ACAN: variants seen among roughly 807,000 people sequenced by gnomAD.
ACAN encodes aggrecan core protein.
A neutral mutation model predicts 169.1 loss-of-function variants in ACAN; 47 were observed. The ratio of observed to expected loss-of-function variants is 0.28; its 90% CI spans 0.22 to 0.35. ACAN has a LOEUF of 0.35. ACAN is among the 10% of genes least tolerant of loss of function. ACAN has a pLI of 1.00. For missense variants in ACAN, 2,716 were observed against 2,759.9 expected (o/e 0.98, Z 0.36); for synonymous variants, 1,115 against 1,112.2 (o/e 1.00, Z -0.05).
chr15:88,824,328 A>C (rs1018992050), intron 1 of ACAN, among the ~76,000 whole-genome samples: 42 of 143,234 alleles, frequency 2.9e-4, no homozygotes, highest in Admixed American at 8.1e-4. Context: ...TCAAAAAAAA[A>C]AACAACAACA....
At chr15:88,828,934 A>G (rs973618410) in intron 1 of ACAN, among the ~76,000 whole-genome samples, 2 of 152,204 alleles carry the variant, frequency 1.3e-5, no homozygotes, top group Non-Finnish European at 2.9e-5. Context: ...AGCAACTCCA[A>G]GGAAAAACCT....
In ACAN at chr15:88,807,396, A is replaced by G. The variant is rs1895708850; in HGVS notation, c.-8+3587A>G. On this transcript the variant is annotated intron_variant, in intron 1 of 18. Coordinates refer to ENST00000560601, the MANE Select transcript of ACAN (RefSeq NM_001369268.1). This position sits in a 1 kb window ranked among gnomAD's most constrained non-coding sequence, Gnocchi z 4.0. Reference sequence around the variant, plus strand: ...TGCTTCGTGTCCTGATGGTAGCCGCACTGCCGCCCTGATAACTTAAAGGAA... The same window carrying G: ...TGCTTCGTGTCCTGATGGTAGCCGCGCTGCCGCCCTGATAACTTAAAGGAA... Among the ~76,000 whole-genome samples the G allele has an allele frequency of 6.6e-6, 1 of 152,226 alleles. No individual in the cohort carries two copies. Among genetic ancestry groups the G allele is most frequent in the Non-Finnish European group, 1.5e-5 (1 of 68,002 alleles).
intron 11 of ACAN, among the ~76,000 whole-genome samples, chr15:88,854,293 T>C (rs987628483): frequency 6.6e-6 from 1 of 152,122 alleles, no homozygotes; most frequent in Non-Finnish European, 1.5e-5. Flanking sequence ...CCAGACTTCT[T>C]CCCAGAGTTG....
At chr15:88,865,413 TTTTCTTTCTGTTC>T (rs1328753304) in intron 13 of ACAN, among the ~76,000 whole-genome samples, 6 of 152,178 alleles carry the variant, frequency 3.9e-5, no homozygotes, top group African/African-American at 1.4e-4. Flanking sequence ...ACCTCACTTG[TTTTCTTTCTGTTC>T]TTTCTTTCTT....
At chr15:88,810,134 C>G (rs539426056) in intron 1 of ACAN, among the ~76,000 whole-genome samples, 1 of 152,276 alleles carries the variant, frequency 6.6e-6, no homozygotes, top group Admixed American at 6.5e-5. Context: ...TGGGGGTTCA[C>G]AGGCTGCTCT....
rs530678017 is a variant in ACAN at position 88,845,869 on chromosome 15, G to T, written c.1416G>T (p.Pro472=). The change falls in exon 7 of 19, where the codon CCG becomes CCT. Residue 472 remains proline, a synonymous_variant. Coordinates refer to ENST00000560601, the MANE Select transcript of ACAN (RefSeq NM_001369268.1). ...VVQVTAVPGQ[P]HLPGGVVFHY... ...AGGTGACCGCTGTCCCTGGGCAGCC[G>T]CATTTGCCAGGGGGTAAGTAGCTGC... The T allele has an allele frequency of 6.9e-7, 1 of 1,453,760 alleles. No individual in the cohort carries two copies. The highest frequency in any genetic ancestry group is 9.1e-7 in the Non-Finnish European group (1 of 1,099,406). The allele number at this position is 1,453,760 out of a possible 1,614,324, so 90.1% of individuals were successfully genotyped here. A position where few individuals can be genotyped will look rare whatever the true frequency, so the allele number is the denominator to read the frequency against.
chr15:88,873,064 T>A lies in ACAN; in HGVS notation c.7447+39T>A. ...TGGGAGGGGTCAGGGGAGGATAGGATCAAGACCTCCAGCTACAGGTGAGGC... is the reference window on the plus strand; with the variant it reads ...TGGGAGGGGTCAGGGGAGGATAGGAACAAGACCTCCAGCTACAGGTGAGGC... On this transcript the variant is annotated intron_variant, in intron 17 of 18. Transcript: ENST00000560601. The surrounding 1 kb of genome is among the most constrained non-coding windows in gnomAD (Gnocchi z 7.5). The A allele has an allele frequency of 6.3e-7, 1 of 1,599,958 alleles. No homozygotes were observed. The highest frequency in any genetic ancestry group is 8.5e-7 in the Non-Finnish European group (1 of 1,172,686).
chr15:88,806,567 C>G (rs57129800), intron 1 of ACAN, among the ~76,000 whole-genome samples: 3,301 of 152,230 alleles, frequency 0.022, 109 homozygotes, highest in African/African-American at 0.071. Context: ...CCAGGCTGGT[C>G]TCGAACTTCT....
chr15:88,857,375 T>G lies in ACAN; in HGVS notation c.4790T>G (p.Val1597Gly), dbSNP rs1315922771. 1.2e-6 allele frequency: 2 copies of G among 1,613,874 alleles called. No homozygotes were observed. Among genetic ancestry groups the G allele is most frequent in the South Asian group, 2.2e-5 (2 of 91,076 alleles). ...TTGCCTTCTGGAAAAGAAGACTTGG[T>G]GGGGTCAGCTTCTGGAGACTTGGAC... is the stretch of plus-strand genomic sequence containing the variant. ...SGLPSGKEDL[V>G]GSASGDLDLG... Residue 1597 changes from valine to glycine, a missense_variant, in exon 12 of 19, where the codon GTG (valine) becomes GGG (glycine). Coordinates refer to ENST00000560601, the MANE Select transcript of ACAN (RefSeq NM_001369268.1).
At chr15:88,826,277 C>A (rs935822359) in intron 1 of ACAN, among the ~76,000 whole-genome samples, 2 of 151,740 alleles carry the variant, frequency 1.3e-5, no homozygotes, top group African/African-American at 4.8e-5. Context: ...GATTAGAGCT[C>A]TTGAAAAAGC....
At chr15:88,860,288 G>T in intron 12 of ACAN, 38 bp from the exon 13 acceptor site, 1 of 1,480,810 alleles carries the variant, frequency 6.8e-7, no homozygotes, top group South Asian at 1.2e-5. Flanking sequence ...CCAGGTGACT[G>T]TGTTCTTGAT....
chr15:88,810,406 C>T (rs1188229974), intron 1 of ACAN, among the ~76,000 whole-genome samples: 2 of 152,106 alleles, frequency 1.3e-5, no homozygotes, highest in African/African-American at 4.8e-5. Context: ...CAGAGTTCAG[C>T]CTCCCATCTC....
chr15:88,873,880 A>G lies in ACAN; in HGVS notation c.7486A>G (p.Thr2496Ala). The change falls in exon 18 of 19, where the codon ACC (threonine) becomes GCC (alanine). Residue 2496 changes from threonine to alanine, a missense_variant. This residue lies in a region of ACAN where 1,389 missense variants were observed against 1,363.7 expected (regional missense o/e 1.02). Coordinates refer to ENST00000560601, the MANE Select transcript of ACAN (RefSeq NM_001369268.1). The surrounding 1 kb of genome is among the most constrained non-coding windows in gnomAD (Gnocchi z 7.5). The stretch of plus-strand genomic sequence containing the variant: ...GCCCCCTGTGGTGGAGCATGCCAGG[A>G]CCTTCGGGCAGAAGAAGGACCGGTA... ...GEPPVVEHARTFGQKKDRYEI... is the reference protein window; with the variant it reads ...GEPPVVEHARAFGQKKDRYEI... 1 of 1,613,716 alleles carries G rather than the reference A, an allele frequency of 6.2e-7. No homozygotes were observed. The highest frequency in any genetic ancestry group is 8.5e-7 in the Non-Finnish European group (1 of 1,179,882).
In ACAN at chr15:88,843,788, A is replaced by G. The variant is rs897132824; in HGVS notation, c.1051+140A>G. The stretch of plus-strand genomic sequence containing the variant: ...TACCTGAACCCCATGTTTTTAGGAC[A>G]CCCCTCCATTTTCACTGGTTCCTAG... On this transcript the variant is annotated intron_variant, in intron 6 of 18. Coordinates refer to ENST00000560601, the MANE Select transcript of ACAN (RefSeq NM_001369268.1). This position sits in a 1 kb window ranked among gnomAD's most constrained non-coding sequence, Gnocchi z 4.0. 9.4e-7 allele frequency: 1 copy of G among 1,061,164 alleles called. No individual in the cohort carries two copies. Among genetic ancestry groups the G allele is most frequent in the Non-Finnish European group, 1.3e-6 (1 of 765,566 alleles). The allele number at this position is 1,061,164 out of a possible 1,614,324, so 65.7% of individuals were successfully genotyped here. A position where few individuals can be genotyped will look rare whatever the true frequency, so the allele number is the denominator to read the frequency against.
At position 88,872,095 on chromosome 15, in the gene ACAN, G is replaced by A. The variant is rs773367944; in HGVS notation, c.7302+10G>A. 7 of 1,612,986 alleles carry A rather than the reference G, an allele frequency of 4.3e-6. No individual in the cohort carries two copies. The East Asian group carries it at 1.6e-4, about 36-fold the overall frequency. On this transcript the variant is annotated intron_variant, in intron 16 of 18. Coordinates refer to ENST00000560601, the MANE Select transcript of ACAN (RefSeq NM_001369268.1). The surrounding 1 kb of genome is among the most constrained non-coding windows in gnomAD (Gnocchi z 5.4). The stretch of plus-strand genomic sequence containing the variant: ...AGATGGACACCCCATGGTGAGTTCT[G>A]CTGTAGGCACAGCTGGTGGCCCAGG...
chr15:88,859,772 G>A (rs1197952113), intron 12 of ACAN, among the ~76,000 whole-genome samples: 1 of 152,222 alleles, frequency 6.6e-6, no homozygotes, highest in African/African-American at 2.4e-5. Flanking sequence ...CTTGGCACAG[G>A]GAGAGAAGGA....
chr15:88,817,147 T>G (rs187238756), intron 1 of ACAN, among the ~76,000 whole-genome samples: 42 of 152,122 alleles, frequency 2.8e-4, no homozygotes, highest in African/African-American at 7.3e-4. Flanking sequence ...TTTTTGTTTT[T>G]GTTTTTGTCT....
intron 4 of ACAN, 149 bp downstream of exon 4, chr15:88,840,335 G>A (rs1896620730): frequency 3.0e-6 from 3 of 985,778 alleles, no homozygotes; most frequent in Non-Finnish European, 1.4e-6. Flanking sequence ...TCACACCTTG[G>A]CCAAACAGCA....
intron 2 of ACAN, among the ~76,000 whole-genome samples, chr15:88,836,550 C>T (rs1896508616): frequency 6.6e-6 from 1 of 152,240 alleles, no homozygotes; most frequent in Non-Finnish European, 1.5e-5. Context: ...CCGGCAGGTG[C>T]CCTCCTTCCC....
Sources: allele counts gnomAD v4.1 joint callset (sites outside exome capture counted in the v4.1 genomes callset), GRCh38; gene constraint gnomAD v4.1.1; regional missense constraint gnomAD v4.1.1; non-coding constraint Gnocchi (gnomAD v3.1); transcripts MANE v1.5; gene names NCBI Gene and HGNC (gene_info 2026-07-23, HGNC 2026-07-21).